MYO1D: variants seen among roughly 807,000 people sequenced by gnomAD.
MYO1D encodes the protein unconventional myosin-Id.
Under a neutral mutation model 122.0 loss-of-function variants are expected in MYO1D, and 83 were observed. The ratio of observed to expected loss-of-function variants is 0.68; its 90% CI spans 0.57 to 0.82. The LOEUF (loss-of-function observed/expected upper bound fraction) is 0.82, where lower values mean the gene tolerates loss of function less well. MYO1D is among the 40% of genes least tolerant of loss of function. MYO1D has a pLI of 0.00. For synonymous variants in MYO1D, 464 were observed against 446.9 expected, an observed-to-expected ratio of 1.04 and a Z score of -0.48; for missense variants, 1,157 against 1,269.5, an observed-to-expected ratio of 0.91 and a Z score of 1.35.
intron 21 of MYO1D, among the ~76,000 whole-genome samples, chr17:32,554,949 A>G (rs1024667676): frequency 5.3e-5 from 8 of 152,196 alleles, no homozygotes; most frequent in Admixed American, 3.3e-4. Context: ...GGAGCATAAC[A>G]TGGTACAAGC....
At position 32,725,390 on chromosome 17, in the gene MYO1D, C is replaced by T. The variant is rs962697388; in HGVS notation, c.1747-4201G>A. On this transcript the variant is annotated intron_variant, in intron 14 of 21. Transcript: ENST00000318217. ...AAAAAATTAGCTGGGCATGGTGGCACGCTCCTGTAATCCCAGTTTACTCAG... is the reference window on the plus strand; with the variant it reads ...AAAAAATTAGCTGGGCATGGTGGCATGCTCCTGTAATCCCAGTTTACTCAG... 8.6e-5 allele frequency among the ~76,000 whole-genome samples: 13 copies of T among 151,868 alleles called. No individual in the cohort carries two copies. The East Asian group carries it at 1.2e-3, about 14-fold the overall frequency.
intron 16 of MYO1D, among the ~76,000 whole-genome samples, chr17:32,705,279 A>C (rs185034619): frequency 1.1e-4 from 16 of 151,432 alleles, no homozygotes; most frequent in Middle Eastern, 6.8e-3. Context: ...TTTTTTTTTG[A>C]GATGGAGTCT....
intron 21 of MYO1D, among the ~76,000 whole-genome samples, chr17:32,558,959 G>A (rs1380855587): frequency 6.6e-6 from 1 of 152,224 alleles, no homozygotes; most frequent in Non-Finnish European, 1.5e-5. Flanking sequence ...TAGAGTTACT[G>A]TGAGGCTTAT....
chr17:32,847,046 C>G (rs893116380), intron 1 of MYO1D, among the ~76,000 whole-genome samples: 3 of 152,110 alleles, frequency 2.0e-5, no homozygotes, highest in Non-Finnish European at 4.4e-5. Context: ...TAGCACAATT[C>G]TCCTCTTTAT....
chr17:32,570,908 A>C (rs1482920957), intron 21 of MYO1D, among the ~76,000 whole-genome samples: 1 of 152,222 alleles, frequency 6.6e-6, no homozygotes, highest in African/African-American at 2.4e-5. Flanking sequence ...CTAAGTCACC[A>C]AGCACACATG....
chr17:32,565,333 G>A (rs2087162678), intron 21 of MYO1D, among the ~76,000 whole-genome samples: 1 of 152,136 alleles, frequency 6.6e-6, no homozygotes, highest in South Asian at 2.1e-4. Flanking sequence ...TGCAAAAACT[G>A]CTCCTTTAAG....
At chr17:32,728,497 C>T (rs534501765) in intron 14 of MYO1D, among the ~76,000 whole-genome samples, 11 of 152,170 alleles carry the variant, frequency 7.2e-5, no homozygotes, top group African/African-American at 2.2e-4. Flanking sequence ...TGAGCCACCG[C>T]GCCCGGCTGC....
At chr17:32,659,578 T>C (rs2088530435) in intron 16 of MYO1D, 2 of 541,712 alleles carry the variant, frequency 3.7e-6, no homozygotes, top group African/African-American at 3.8e-5. Context: ...AAGTGTGTGC[T>C]GAGCCTGAAG....
At chr17:32,801,539 T>A (rs1395304886) in intron 1 of MYO1D, among the ~76,000 whole-genome samples, 4 of 152,124 alleles carry the variant, frequency 2.6e-5, no homozygotes, top group Non-Finnish European at 4.4e-5. Context: ...TAAGTATATA[T>A]GTTGAGGATA....
intron 19 of MYO1D, among the ~76,000 whole-genome samples, chr17:32,651,931 C>G (rs964848316): frequency 7.2e-5 from 11 of 152,278 alleles, no homozygotes; most frequent in Non-Finnish European, 1.0e-4. Flanking sequence ...CCGCCTCGGC[C>G]TTCCAAAGTG....
intron 19 of MYO1D, among the ~76,000 whole-genome samples, chr17:32,641,142 G>A (rs970821041): frequency 7.2e-6 from 1 of 138,454 alleles, no homozygotes; most frequent in African/African-American, 2.7e-5. Flanking sequence ...GTGTCCAAGT[G>A]TTCTCATTGT....
chr17:32,719,116 A>G (rs2089479615), intron 15 of MYO1D, among the ~76,000 whole-genome samples: 1 of 152,186 alleles, frequency 6.6e-6, no homozygotes, highest in Admixed American at 6.5e-5. Context: ...TATCTCAGCA[A>G]ATGGTACTGT....
chr17:32,703,798 T>C (rs947515074), intron 16 of MYO1D, among the ~76,000 whole-genome samples: 5 of 152,198 alleles, frequency 3.3e-5, no homozygotes, highest in Admixed American at 3.3e-4. Flanking sequence ...ATTTGGCTAA[T>C]TGTTAATTAT....
At chr17:32,774,607 C>G (rs1328153038) in intron 4 of MYO1D, among the ~76,000 whole-genome samples, 2 of 152,150 alleles carry the variant, frequency 1.3e-5, no homozygotes, top group Non-Finnish European at 2.9e-5. Flanking sequence ...TCCAAAAATA[C>G]TGCTGTTAGG....
intron 21 of MYO1D, among the ~76,000 whole-genome samples, chr17:32,550,293 T>G (rs975781028): frequency 2.0e-5 from 3 of 152,052 alleles, no homozygotes; most frequent in Non-Finnish European, 4.4e-5. Context: ...AGAGACGGAG[T>G]TTCACTGTGT....
At chr17:32,576,321 C>A (rs1017045667) in intron 21 of MYO1D, among the ~76,000 whole-genome samples, 1 of 152,132 alleles carries the variant, frequency 6.6e-6, no homozygotes, top group African/African-American at 2.4e-5. Flanking sequence ...ATCTAAGAAG[C>A]AACAAAGGAC....
chr17:32,709,217 A>T (rs1369461460), intron 16 of MYO1D, among the ~76,000 whole-genome samples: 1 of 152,186 alleles, frequency 6.6e-6, no homozygotes, highest in Non-Finnish European at 1.5e-5. Flanking sequence ...TGAGAGTAAA[A>T]GGGGTACTAT....
chr17:32,828,740 C>G (rs986539932), intron 1 of MYO1D, among the ~76,000 whole-genome samples: 1 of 152,070 alleles, frequency 6.6e-6, no homozygotes, highest in African/African-American at 2.4e-5. Flanking sequence ...AAAAGCTAAC[C>G]TATTTTGAAT....
intron 20 of MYO1D, among the ~76,000 whole-genome samples, chr17:32,607,743 T>TAG (rs2087645888): frequency 6.6e-6 from 1 of 152,074 alleles, no homozygotes; most frequent in African/African-American, 2.4e-5. Context: ...GGAGGGCTCA[T>TAG]AGAGGCTGAT....
Sources: allele counts gnomAD v4.1 joint callset (sites outside exome capture counted in the v4.1 genomes callset), GRCh38; gene constraint gnomAD v4.1.1; transcripts MANE v1.5; gene names NCBI Gene and HGNC (gene_info 2026-07-23, HGNC 2026-07-21).